MTMR7: variants seen among roughly 807,000 people sequenced by gnomAD.
MTMR7 encodes phosphatidylinositol-3-phosphate phosphatase MTMR7.
Under a neutral mutation model 81.2 loss-of-function variants are expected in MTMR7, and 76 were observed. That is an observed-to-expected ratio of 0.94 (90% confidence interval 0.78 to 1.13). MTMR7 has a LOEUF of 1.13. Among genes scored for constraint, MTMR7 ranks in the 50% most tolerant of loss-of-function variants. MTMR7 has a pLI of 0.00. For missense variants in MTMR7, 1,044 were observed against 820.0 expected (o/e 1.27, Z -3.34); for synonymous variants, 372 against 289.8 (o/e 1.28, Z -2.88).
At chr8:17,317,356 C>T (rs1041961399) in intron 7 of MTMR7, among the ~76,000 whole-genome samples, 26 of 152,184 alleles carry the variant, frequency 1.7e-4, no homozygotes, top group African/African-American at 5.6e-4. Context: ...TTGTAGGCCC[C>T]GGCATGGAAT....
intron 1 of MTMR7, among the ~76,000 whole-genome samples, chr8:17,390,851 C>T (rs1037089877): frequency 6.6e-6 from 1 of 152,154 alleles, no homozygotes; most frequent in African/African-American, 2.4e-5. Flanking sequence ...GGAAACCACC[C>T]CTGTGATCCA....
intron 3 of MTMR7, among the ~76,000 whole-genome samples, chr8:17,363,120 G>A (rs1020614427): frequency 1.3e-4 from 20 of 152,192 alleles, no homozygotes; most frequent in South Asian, 8.3e-4. Context: ...GACGCGTTCC[G>A]TAAAATCAAT....
rs752434200 is a variant in MTMR7, at chr8:17,299,947, C to T, written c.1898G>A (p.Arg633Gln). 3 of 1,614,104 alleles carry T rather than the reference C, an allele frequency of 1.9e-6. No homozygotes were observed. The highest frequency in any genetic ancestry group is 1.7e-5 in the Admixed American group (1 of 60,008). Residue 633 changes from arginine (R) to glutamine (Q), a missense_variant, in exon 14 of 14, where the codon CGG becomes CAG. Transcript: ENST00000180173. ...QESGVEDLSC[R>Q]SPSGGEHAPS... ...TGCATGCTCACCACCACTTGGAGAC[C>T]GACAGCTCAAATCCTCCACCCCGGA... is the stretch of plus-strand genomic sequence containing the variant.
chr8:17,406,279 T>G (rs1821580138), intron 1 of MTMR7, among the ~76,000 whole-genome samples: 1 of 152,176 alleles, frequency 6.6e-6, no homozygotes, highest in Non-Finnish European at 1.5e-5. Context: ...CCAGATTACA[T>G]AATTTTGCAA....
intron 7 of MTMR7, among the ~76,000 whole-genome samples, chr8:17,318,527 T>C (rs1818215985): frequency 6.6e-6 from 1 of 152,006 alleles, no homozygotes; most frequent in African/African-American, 2.4e-5. Flanking sequence ...ACATAACGGA[T>C]AGTGTTCCCG....
At position 17,311,544 on chromosome 8, in the gene MTMR7, C is replaced by T. The variant is rs1445004931; in HGVS notation, c.1068G>A (p.Leu356=). The T allele has an allele frequency of 6.2e-7, 1 of 1,614,066 alleles. No individual in the cohort carries two copies. Among genetic ancestry groups the T allele is most frequent in the South Asian group, 1.1e-5 (1 of 91,064 alleles). Residue 356 remains leucine (L), a synonymous_variant, in exon 9 of 14, where the codon CTG becomes CTA. Coordinates refer to ENST00000180173, the MANE Select transcript of MTMR7 (RefSeq NM_004686.5). The part of the protein sequence containing the change: ...AQVCSVASLL[L]DPHYRTLKGF... ...CCTTCAGAGTCCGGTAGTGAGGGTCCAGCAGCAGGCTTGCCACCGAGCACA... is the reference window on the plus strand; with the variant it reads ...CCTTCAGAGTCCGGTAGTGAGGGTCTAGCAGCAGGCTTGCCACCGAGCACA...
intron 5 of MTMR7, among the ~76,000 whole-genome samples, chr8:17,347,571 T>C (rs970786080): frequency 1.7e-4 from 26 of 152,200 alleles, no homozygotes; most frequent in Admixed American, 6.5e-4. Context: ...CGGCTTTGAA[T>C]CCAGAAGTAT....
intron 6 of MTMR7, among the ~76,000 whole-genome samples, chr8:17,340,630 G>T (rs891320380): frequency 6.6e-6 from 1 of 152,182 alleles, no homozygotes; most frequent in South Asian, 2.1e-4. Flanking sequence ...TGAGTGGGAG[G>T]TAAGTGTAAG....
intron 11 of MTMR7, 21 bp from the exon 12 acceptor site, chr8:17,304,540 C>G (rs769137039): frequency 1.2e-6 from 2 of 1,605,628 alleles, no homozygotes; most frequent in East Asian, 4.5e-5. Context: ...GAAAATAAGT[C>G]TATAAATGAC....
chr8:17,377,682 C>G (rs1820631178), intron 1 of MTMR7, among the ~76,000 whole-genome samples: 1 of 152,068 alleles, frequency 6.6e-6, no homozygotes, highest in Admixed American at 6.5e-5. Context: ...TCATTTTCCT[C>G]CAAGTATATC....
intron 6 of MTMR7, among the ~76,000 whole-genome samples, chr8:17,340,932 G>A (rs1445694755): frequency 1.3e-5 from 2 of 152,010 alleles, no homozygotes; most frequent in East Asian, 1.9e-4. Flanking sequence ...CAAGTCATAG[G>A]TATAGATTAC....
In MTMR7 at chr8:17,305,644, T is replaced by C. The variant is rs540674945; in HGVS notation, c.1352+113A>G. On this transcript the variant is annotated intron_variant, in intron 11 of 13. Coordinates refer to ENST00000180173, the MANE Select transcript of MTMR7 (RefSeq NM_004686.5). ...AGAAAATAAAACTAATCTGTCAGTA[T>C]AGGTATGTGACTAAATGAAAAAAGT... 10 of 825,422 alleles carry C rather than the reference T, an allele frequency of 1.2e-5. No homozygotes were observed. The South Asian group carries it at 1.2e-4, about 10-fold the overall frequency. The allele number at this position is 825,422 out of a possible 1,614,324, so 51.1% of individuals were successfully genotyped here.
intron 6 of MTMR7, among the ~76,000 whole-genome samples, chr8:17,332,651 G>C (rs1220987192): frequency 3.9e-5 from 6 of 152,216 alleles, no homozygotes; most frequent in Non-Finnish European, 2.9e-5. Context: ...TACACTTTCT[G>C]AATGTCTATT....
Position 17,373,216 on chromosome 8 carries a change from G to T in MTMR7, c.49C>A (p.Arg17=), listed in dbSNP as rs778095003. The T allele has an allele frequency of 1.5e-5, 25 of 1,613,402 alleles. No individual in the cohort carries two copies. The highest frequency in any genetic ancestry group is 2.0e-5 in the Non-Finnish European group (24 of 1,179,666). Residue 17 remains arginine (R), a synonymous_variant, in exon 2 of 14, where the codon CGA becomes AGA. Coordinates refer to ENST00000180173, the MANE Select transcript of MTMR7 (RefSeq NM_004686.5). ...AGAGCTGCTTTTTTAGGAGACACTC[G>T]ATCTACCAAGCGGACATTTTCAACC... ...PKVENVRLVD[R]VSPKKAALGT...
chr8:17,371,037 C>G lies in MTMR7; in HGVS notation c.310G>C (p.Val104Leu). The G allele has an allele frequency of 6.2e-7, 1 of 1,611,622 alleles. No homozygotes were observed. The highest frequency in any genetic ancestry group is 1.1e-5 in the South Asian group (1 of 90,422). Residue 104 changes from valine (V) to leucine (L), a missense_variant and splice_region_variant, in exon 3 of 14, where the codon GTG becomes CTG. By Grantham distance (32) the Val-to-Leu change is conservative. Coordinates refer to ENST00000180173, the MANE Select transcript of MTMR7 (RefSeq NM_004686.5). The part of the protein sequence containing the change: ...YISLIRLARP[V>L]KYEELYCFSF... ...TAAATGCCGAGTTCCTCTGCCCTAC[C>G]TGGCCTTGCAAGGCGTATCAGGGAG...
intron 1 of MTMR7, among the ~76,000 whole-genome samples, chr8:17,374,955 G>A (rs368535757): frequency 1.3e-5 from 2 of 152,052 alleles, no homozygotes; most frequent in Admixed American, 6.6e-5. Context: ...CAGGCGTGGT[G>A]CCCGGCACCT....
At chr8:17,326,939 G>C (rs1381833363) in intron 7 of MTMR7, among the ~76,000 whole-genome samples, 1 of 152,144 alleles carries the variant, frequency 6.6e-6, no homozygotes, top group Non-Finnish European at 1.5e-5. Context: ...TAAATAAAGA[G>C]GGAAAAAGGG....
chr8:17,337,996 G>A (rs1421212976), intron 6 of MTMR7, among the ~76,000 whole-genome samples: 1 of 152,188 alleles, frequency 6.6e-6, no homozygotes, highest in Non-Finnish European at 1.5e-5. Flanking sequence ...AACCTGAGAA[G>A]TGCCTGCTTG....
chr8:17,297,604 T>TATTA lies in MTMR7; in HGVS notation c.*2254_*2257dup. On this transcript the variant is annotated 3_prime_UTR_variant, in exon 14 of 14. Coordinates refer to ENST00000180173, the MANE Select transcript of MTMR7 (RefSeq NM_004686.5). ...AAAAATAAATTACTTGCATTCTATA[T>TATTA]ATTACTAATTGGGAAGTAATATGCC... 1 of 152,198 alleles carries TATTA rather than the reference T, an allele frequency of 6.6e-6. No homozygotes were observed. 9.4% of individuals were successfully genotyped at this position (152,198 alleles called of 1,614,324 possible).
Sources: allele counts gnomAD v4.1 joint callset (sites outside exome capture counted in the v4.1 genomes callset), GRCh38; gene constraint gnomAD v4.1.1; transcripts MANE v1.5; gene names NCBI Gene and HGNC (gene_info 2026-07-23, HGNC 2026-07-21).